TMEM161A: variants seen among roughly 807,000 people sequenced by gnomAD.
TMEM161A encodes the protein transmembrane protein 161A.
TMEM161A carries 46 observed loss-of-function variants against 57.1 expected under a neutral mutation model. The ratio of observed to expected loss-of-function variants is 0.81; its 90% confidence interval spans 0.64 to 1.03. TMEM161A has a LOEUF of 1.03. Among genes scored for constraint, TMEM161A ranks in the 50% least tolerant of loss-of-function variants. The probability of loss-of-function intolerance (pLI) is 0.00; values close to 1 mark genes in which losing one functional copy is unlikely to be tolerated. For missense variants in TMEM161A, 601 were observed against 621.5 expected, an observed-to-expected ratio of 0.97 and a Z score of 0.35; for synonymous variants, 288 against 279.0, an observed-to-expected ratio of 1.03 and a Z score of -0.32.
intron 1 of TMEM161A, among the ~76,000 whole-genome samples, chr19:19,136,228 T>C (rs2059983814): frequency 6.6e-6 from 1 of 152,144 alleles, no homozygotes; most frequent in Non-Finnish European, 1.5e-5. Context: ...TCTGGAATTA[T>C]CATCAAAATG....
chr19:19,131,556 G>A (rs543080148), intron 5 of TMEM161A, among the ~76,000 whole-genome samples: 62 of 150,190 alleles, frequency 4.1e-4, no homozygotes, highest in African/African-American at 1.2e-3. Context: ...ATGTAGTTTC[G>A]CTCTTGTCAC....
intron 6 of TMEM161A, among the ~76,000 whole-genome samples, chr19:19,122,396 C>G (rs1712611486): frequency 6.6e-6 from 1 of 152,120 alleles, no homozygotes; most frequent in African/African-American, 2.4e-5. Context: ...TAGAAGGAAT[C>G]TAGAGGGGGA....
rs1365804235 is a variant in TMEM161A at position 19,134,898 on chromosome 19, G to A, written c.4-11C>T. The A allele has an allele frequency of 1.9e-6, 3 of 1,564,238 alleles. No individual in the cohort carries two copies. Among genetic ancestry groups the A allele is most frequent in the Non-Finnish European group, 2.6e-6 (3 of 1,151,326 alleles). ...TACTCCGAGGACCGCCTGGGGGGAG[G>A]GGACATGACTGGCAGCACCTGCCAG... On this transcript the variant is annotated splice_polypyrimidine_tract_variant and intron_variant, in intron 1 of 11. Coordinates refer to ENST00000162044, the MANE Select transcript of TMEM161A (RefSeq NM_017814.3).
intron 5 of TMEM161A, among the ~76,000 whole-genome samples, chr19:19,131,463 T>C (rs72993489): frequency 0.11 from 17,135 of 149,956 alleles, 1,077 homozygotes; most frequent in Middle Eastern, 0.18. Context: ...ACAACAAATA[T>C]ATATACATGT....
Position 19,135,875 on chromosome 19 carries a change from CTATTTT to C in TMEM161A, c.4-994_4-989del, listed in dbSNP as rs886998732. ...ACAGGCGTGAGCCACTGTGTCCGGC[CTATTTT>C]TATTTTTATTTTTAGAGATGGGGTC... is the stretch of plus-strand genomic sequence containing the variant. On this transcript the variant is annotated intron_variant, in intron 1 of 11. Transcript: ENST00000162044. Among the ~76,000 whole-genome samples the C allele has an allele frequency of 1.7e-3, 255 of 152,160 alleles. 2 individuals are homozygous for C. Among genetic ancestry groups the C allele is most frequent in the African/African-American group, 6.0e-3 (248 of 41,504 alleles).
Position 19,120,181 on chromosome 19 carries a change from CTCCTA to C in TMEM161A, c.1187-3_1188del. The C allele has an allele frequency of 6.5e-7, 1 of 1,545,944 alleles. No homozygotes were observed. The highest frequency in any genetic ancestry group is 2.0e-5 in the Admixed American group (1 of 50,278). ...GCTGGGCCCAGGCCCCAGGAATAGC[CTCCTA>C]GGAGAAGAGGATGAAGCGAGGTATG... On this transcript the variant is annotated splice_acceptor_variant and splice_polypyrimidine_tract_variant and coding_sequence_variant and intron_variant, in exon 12 of 12. Transcript: ENST00000162044. LOFTEE classifies it high-confidence loss of function.
Position 19,132,770 on chromosome 19 carries a change from C to CA in TMEM161A, c.189-17dup. ...ATTGGCCCACCTGGGAGGATGGTGA[C>CA]AAGCAAGAGGGACGGTGAGCACGCA... is the stretch of plus-strand genomic sequence containing the variant. On this transcript the variant is annotated splice_polypyrimidine_tract_variant and intron_variant, in intron 3 of 11. Coordinates refer to ENST00000162044, the MANE Select transcript of TMEM161A (RefSeq NM_017814.3). The surrounding 1 kb of genome is among the most constrained non-coding windows in gnomAD (Gnocchi z 4.3). The CA allele has an allele frequency of 6.6e-7, 1 of 1,523,064 alleles. No individual in the cohort carries two copies. 94.3% of individuals were successfully genotyped at this position (1,523,064 alleles called of 1,614,324 possible).
Position 19,121,352 on chromosome 19 carries a change from C to G in TMEM161A, c.870G>C (p.Arg290=), listed in dbSNP as rs577861059. ...ILWLWTKPIA[R]DFLHQPPFGE... ...CAAACGGCGGCTGGTGCAGGAAGTCCCGTGCAATGGGCTTTGTCCAGAGCC... is the reference window on the plus strand; with the variant it reads ...CAAACGGCGGCTGGTGCAGGAAGTCGCGTGCAATGGGCTTTGTCCAGAGCC... Residue 290 remains arginine, a synonymous_variant, in exon 9 of 12, where the codon CGG becomes CGC. Coordinates refer to ENST00000162044, the MANE Select transcript of TMEM161A (RefSeq NM_017814.3). This position sits in a 1 kb window ranked among gnomAD's most constrained non-coding sequence, Gnocchi z 5.8. The G allele has an allele frequency of 2.5e-6, 4 of 1,596,478 alleles. No individual in the cohort carries two copies. The Admixed American group carries it at 7.1e-5, about 28-fold the overall frequency.
rs2059905557 is a variant in TMEM161A, at chr19:19,120,803, A to T, written c.1148T>A (p.Ile383Asn). The change falls in exon 11 of 12, where the codon ATC (isoleucine) becomes AAC (asparagine). Residue 383 changes from isoleucine to asparagine, a missense_variant. Ile to Asn is a moderately radical substitution (Grantham distance 149). Coordinates refer to ENST00000162044, the MANE Select transcript of TMEM161A (RefSeq NM_017814.3). ...VVSLQYLTPL[I>N]LTLNCTLLLK... is the part of the protein sequence containing the mutation. ...CAGAAGTGTGCAGTTGAGGGTGAGGATGAGCGGCGTCAGGTACTGCAAGCT... is the reference window on the plus strand; with the variant it reads ...CAGAAGTGTGCAGTTGAGGGTGAGGTTGAGCGGCGTCAGGTACTGCAAGCT... 6.2e-6 allele frequency: 10 copies of T among 1,613,376 alleles called. No individual in the cohort carries two copies. Among genetic ancestry groups the T allele is most frequent in the Non-Finnish European group, 7.6e-6 (9 of 1,180,002 alleles).
At chr19:19,128,699 C>T (rs1032327936) in intron 6 of TMEM161A, among the ~76,000 whole-genome samples, 4 of 151,414 alleles carry the variant, frequency 2.6e-5, no homozygotes, top group African/African-American at 7.3e-5. Flanking sequence ...TCACCACGCC[C>T]GACTAATTTT....
At chr19:19,135,371 C>G (rs2059980673) in intron 1 of TMEM161A, among the ~76,000 whole-genome samples, 1 of 152,026 alleles carries the variant, frequency 6.6e-6, no homozygotes, top group African/African-American at 2.4e-5. Context: ...CTAGCTTTCT[C>G]CTTCACCTGG....
intron 6 of TMEM161A, among the ~76,000 whole-genome samples, chr19:19,124,146 CTG>C (rs1457692195): frequency 1.3e-5 from 2 of 151,796 alleles, no homozygotes; most frequent in Non-Finnish European, 2.9e-5. Flanking sequence ...AGTTCTAAAT[CTG>C]TGAATAGAAC....
chr19:19,135,117 T>C (rs11881054), intron 1 of TMEM161A, among the ~76,000 whole-genome samples: 343 of 151,952 alleles, frequency 2.3e-3, no homozygotes, highest in African/African-American at 7.8e-3. Context: ...CTAGCGGGAG[T>C]GTAGGGCAGT....
At chr19:19,123,967 T>G (rs1038644069) in intron 6 of TMEM161A, among the ~76,000 whole-genome samples, 1 of 151,590 alleles carries the variant, frequency 6.6e-6, no homozygotes, top group Non-Finnish European at 1.5e-5. Context: ...GGCAGGAGAA[T>G]CGCTTGAACC....
intron 11 of TMEM161A, 90 bp from the exon 12 acceptor site, chr19:19,120,273 C>G (rs2059902255): frequency 9.1e-7 from 1 of 1,093,918 alleles, no homozygotes; most frequent in Non-Finnish European, 1.3e-6. Flanking sequence ...GCCCATTCCT[C>G]CAGACACTCC....
chr19:19,134,800 G>C lies in TMEM161A; in HGVS notation c.91C>G (p.Leu31Val), dbSNP rs1338049058. Reference protein sequence around the residue: ...LAPHCSFARWLLCNGSLFRYK... With the variant: ...LAPHCSFARWVLCNGSLFRYK... The stretch of plus-strand genomic sequence containing the variant: ...GGGGCTCACCTGCCGTTACAGAGCA[G>C]CCAGCGCGCGAAGGAGCAGTGTGGC... Residue 31 changes from leucine to valine, a missense_variant, in exon 2 of 12, where the codon CTG (leucine) becomes GTG (valine). Coordinates refer to ENST00000162044, the MANE Select transcript of TMEM161A (RefSeq NM_017814.3). 1.3e-6 allele frequency: 2 copies of C among 1,581,594 alleles called. No homozygotes were observed. Among genetic ancestry groups the C allele is most frequent in the South Asian group, 1.2e-5 (1 of 86,490 alleles).
In TMEM161A at chr19:19,134,821, G is replaced by A; in HGVS notation, c.70C>T (p.His24Tyr). 1 of 1,595,294 alleles carries A rather than the reference G, an allele frequency of 6.3e-7. No individual in the cohort carries two copies. The highest frequency in any genetic ancestry group is 8.5e-7 in the Non-Finnish European group (1 of 1,172,016). Residue 24 changes from histidine to tyrosine, a missense_variant, in exon 2 of 12, where the codon CAC (histidine) becomes TAC (tyrosine). Coordinates refer to ENST00000162044, the MANE Select transcript of TMEM161A (RefSeq NM_017814.3). ...TATLMHRLAP[H>Y]CSFARWLLCN... ...AGCAGCCAGCGCGCGAAGGAGCAGT[G>A]TGGCGCCAGCCTGTGCATGAGGGTG...
In TMEM161A at chr19:19,134,962, A is replaced by C. The variant is rs3746259; in HGVS notation, c.4-75T>G. The C allele has an allele frequency of 3.7e-6, 4 of 1,078,992 alleles. No homozygotes were observed. In the Admixed American group the frequency reaches 8.6e-5, roughly 23 times the overall value. The allele number at this position is 1,078,992 out of a possible 1,614,324, so 66.8% of individuals were successfully genotyped here. On this transcript the variant is annotated intron_variant, in intron 1 of 11. Transcript: ENST00000162044. Reference sequence around the variant, plus strand: ...CCCTCCCTCCCTAGGAACCCAGGCTATTTATAGAGAAGTCAGGCTGGATGG... The same window carrying C: ...CCCTCCCTCCCTAGGAACCCAGGCTCTTTATAGAGAAGTCAGGCTGGATGG...
rs2059901345 is a variant in TMEM161A, at chr19:19,120,161, G to A, written c.1209C>T (p.Gly403=). The A allele has an allele frequency of 3.9e-6, 6 of 1,555,478 alleles. No homozygotes were observed. The highest frequency in any genetic ancestry group is 5.2e-6 in the Non-Finnish European group (6 of 1,148,646). ...KTLGGYSWGL[G]PAPLLSPDPS... is the part of the protein sequence containing the mutation. The stretch of plus-strand genomic sequence containing the variant: ...GGTCGGGGGATAGTAGAGGAGCTGG[G>A]CCCAGGCCCCAGGAATAGCCTCCTA... Residue 403 remains glycine (G), a synonymous_variant, in exon 12 of 12, where the codon GGC becomes GGT. Transcript: ENST00000162044.
Sources: gnomAD v4.1 joint callset for allele counts (sites outside exome capture counted in the v4.1 genomes callset) on GRCh38, gnomAD v4.1.1 for gene constraint, Gnocchi (gnomAD v3.1) non-coding constraint, MANE v1.5 for transcripts, NCBI Gene and HGNC (gene_info 2026-07-23, HGNC 2026-07-21) for gene names.